Variants in DYRK1B observed in about 807,000 individuals in gnomAD.
DYRK1B encodes dual specificity tyrosine phosphorylation regulated kinase 1B.
Under a neutral mutation model 57.1 loss-of-function variants are expected in DYRK1B, and 20 were observed. That is an observed-to-expected ratio of 0.35 (90% CI 0.25 to 0.51). The LOEUF (loss-of-function observed/expected upper bound fraction) is 0.51. Ranked by LOEUF, DYRK1B falls within the 20% of genes least tolerant of loss-of-function variation. The pLI is 0.96. For missense variants in DYRK1B, 732 were observed against 886.3 expected (o/e 0.83, Z 2.21); for synonymous variants, 409 against 384.7 (o/e 1.06, Z -0.74).
rs1968552018 is a variant in DYRK1B, at chr19:39,826,643, G to T, written c.1411+29C>A. ...CAAACCTGAGCAGCCCCCACCCGTT[G>T]TACCCCATTTGGGCACCTGGGCACC... is the stretch of plus-strand genomic sequence containing the variant. On this transcript the variant is annotated intron_variant, in intron 9 of 10. Transcript: ENST00000323039. The surrounding 1 kb of genome is among the most constrained non-coding windows in gnomAD (Gnocchi z 6.3). 1.3e-6 allele frequency: 2 copies of T among 1,562,424 alleles called. No homozygotes were observed. The highest frequency in any genetic ancestry group is 1.2e-5 in the South Asian group (1 of 83,604).
In DYRK1B at chr19:39,828,224, G is replaced by A. The variant is rs1968629787; in HGVS notation, c.807+73C>T. Reference sequence around the variant, plus strand: ...AATAATCCCATCCCAGCCAAGCCCCGCCCCTAAGCCTCCCGTTGGCTCTGC... The same window carrying A: ...AATAATCCCATCCCAGCCAAGCCCCACCCCTAAGCCTCCCGTTGGCTCTGC... On this transcript the variant is annotated intron_variant, in intron 6 of 10. Transcript: ENST00000323039. This position sits in a 1 kb window ranked among gnomAD's most constrained non-coding sequence, Gnocchi z 4.3. The A allele has an allele frequency of 1.5e-5, 22 of 1,481,602 alleles. No individual in the cohort carries two copies. The highest frequency in any genetic ancestry group is 2.8e-5 in the African/African-American group (2 of 72,036). The allele number at this position is 1,481,602 out of a possible 1,614,324, so 91.8% of individuals were successfully genotyped here.
At chr19:39,827,149 G>A (rs540114568) in intron 8 of DYRK1B, 136 bp downstream of exon 8, 15 of 1,254,414 alleles carry the variant, frequency 1.2e-5, no homozygotes, top group Non-Finnish European at 1.6e-5. Flanking sequence ...GGGGTGGGCA[G>A]GGGAGGAAGG....
In DYRK1B at chr19:39,830,050, G is replaced by A. The variant is rs199504190; in HGVS notation, c.373-23C>T. Reference sequence around the variant, plus strand: ...CACCTGTTGGGGCAGGGCATGTCACGAAGAAAGGGGTGGGAGCAGGGCAGA... The same window carrying A: ...CACCTGTTGGGGCAGGGCATGTCACAAAGAAAGGGGTGGGAGCAGGGCAGA... On this transcript the variant is annotated intron_variant, in intron 4 of 10. Coordinates refer to ENST00000323039, the MANE Select transcript of DYRK1B (RefSeq NM_004714.3). 5.3e-5 allele frequency: 85 copies of A among 1,612,654 alleles called. No individual in the cohort carries two copies. In the East Asian group the frequency reaches 1.5e-3, roughly 28 times the overall value.
At chr19:39,827,764 G>C (rs1171300174) in intron 6 of DYRK1B, 108 bp from the exon 7 acceptor site, 2 of 1,372,382 alleles carry the variant, frequency 1.5e-6, no homozygotes, top group Non-Finnish European at 2.0e-6. Context: ...TGACAAAATG[G>C]GGACTGAGGC....
chr19:39,826,064 C>T lies in DYRK1B; in HGVS notation c.1541G>A (p.Arg514Gln), dbSNP rs1333583026. 12 of 1,520,316 alleles carry T rather than the reference C, an allele frequency of 7.9e-6. No individual in the cohort carries two copies. Among genetic ancestry groups the T allele is most frequent in the African/African-American group, 4.2e-5 (3 of 71,668 alleles). 94.2% of individuals were successfully genotyped at this position (1,520,316 alleles called of 1,614,324 possible). The change falls in exon 11 of 11, where the codon CGG (arginine) becomes CAG (glutamine). Residue 514 changes from arginine to glutamine, a missense_variant. By Grantham distance (43) the Arg-to-Gln change is conservative (BLOSUM62 1). Coordinates refer to ENST00000323039, the MANE Select transcript of DYRK1B (RefSeq NM_004714.3). The surrounding 1 kb of genome is among the most constrained non-coding windows in gnomAD (Gnocchi z 6.3). Reference protein sequence around the residue: ...SPQVPPSQPLRPWAGGDVPHK... With the variant: ...SPQVPPSQPLQPWAGGDVPHK... Reference sequence around the variant, plus strand: ...GGGCACATCACCCCCTGCCCAGGGCCGCAGCGGCTGGGAGGGTGGGACCTA... The same window carrying T: ...GGGCACATCACCCCCTGCCCAGGGCTGCAGCGGCTGGGAGGGTGGGACCTA...
chr19:39,831,053 C>A (rs1235420821), intron 2 of DYRK1B, among the ~76,000 whole-genome samples: 1 of 152,214 alleles, frequency 6.6e-6, no homozygotes, highest in Non-Finnish European at 1.5e-5. Context: ...CTCACCTTTA[C>A]TCCTTTCTGA....
intron 1 of DYRK1B, among the ~76,000 whole-genome samples, chr19:39,833,793 T>G (rs1367528335): frequency 1.3e-5 from 2 of 151,324 alleles, no homozygotes. Flanking sequence ...AGGGCGGGAG[T>G]GGGGCCCGGC....
At position 39,828,150 on chromosome 19, in the gene DYRK1B, A is replaced by T; in HGVS notation, c.807+147T>A. On this transcript the variant is annotated intron_variant, in intron 6 of 10. Coordinates refer to ENST00000323039, the MANE Select transcript of DYRK1B (RefSeq NM_004714.3). The surrounding 1 kb of genome is among the most constrained non-coding windows in gnomAD (Gnocchi z 4.3). Reference sequence around the variant, plus strand: ...CACCCTTCCCATCCTAGTGGGCAGTATATTCACACCCCCACCCCAAGCATT... The same window carrying T: ...CACCCTTCCCATCCTAGTGGGCAGTTTATTCACACCCCCACCCCAAGCATT... 1.1e-6 allele frequency: 1 copy of T among 903,880 alleles called. No individual in the cohort carries two copies. The highest frequency in any genetic ancestry group is 1.6e-6 in the Non-Finnish European group (1 of 609,888). The allele number at this position is 903,880 out of a possible 1,614,324, so 56.0% of individuals were successfully genotyped here.
rs1458151604 is a variant in DYRK1B, at chr19:39,828,278, G to A, written c.807+19C>T. Reference sequence around the variant, plus strand: ...ACCCAAACTACTAGCCGTGCTCCCAGGACCGGGCCGCCCCCTACCCTCTGG... The same window carrying A: ...ACCCAAACTACTAGCCGTGCTCCCAAGACCGGGCCGCCCCCTACCCTCTGG... On this transcript the variant is annotated intron_variant, in intron 6 of 10. Coordinates refer to ENST00000323039, the MANE Select transcript of DYRK1B (RefSeq NM_004714.3). The surrounding 1 kb of genome is among the most constrained non-coding windows in gnomAD (Gnocchi z 4.3). 3 of 1,612,350 alleles carry A rather than the reference G, an allele frequency of 1.9e-6. No individual in the cohort carries two copies. The highest frequency in any genetic ancestry group is 3.3e-5 in the Admixed American group (2 of 59,988).
chr19:39,830,263 CTAAG>C, intron 4 of DYRK1B, 108 bp downstream of exon 4: 1 of 1,396,342 alleles, frequency 7.2e-7, no homozygotes, highest in South Asian at 1.3e-5. Context: ...CACAGGGAAA[CTAAG>C]TGGGCTAGGG....
chr19:39,828,359 T>C lies in DYRK1B; in HGVS notation c.745A>G (p.Asn249Asp). Residue 249 changes from asparagine (N) to aspartate (D), a missense_variant, in exon 6 of 11, where the codon AAC becomes GAC. Physicochemically the swap from Asn to Asp is conservative, Grantham distance 23. Coordinates refer to ENST00000323039, the MANE Select transcript of DYRK1B (RefSeq NM_004714.3). This position sits in a 1 kb window ranked among gnomAD's most constrained non-coding sequence, Gnocchi z 4.3. ...DLKPENILLC[N>D]PKRSAIKIVD... ...ATCTTGATGGCGCTGCGCTTGGGGT[T>C]GCACAGCAAGATGTTTTCGGGCTTG... 3 of 1,614,196 alleles carry C rather than the reference T, an allele frequency of 1.9e-6. No individual in the cohort carries two copies. The highest frequency in any genetic ancestry group is 2.5e-6 in the Non-Finnish European group (3 of 1,180,040).
intron 1 of DYRK1B, chr19:39,833,065 G>A (rs1457497940): frequency 3.0e-6 from 3 of 985,212 alleles, no homozygotes; most frequent in Non-Finnish European, 3.6e-6. Flanking sequence ...TTATCACATA[G>A]GGTTCTCTCC....
At chr19:39,831,228 AC>A (rs1292566100) in intron 2 of DYRK1B, among the ~76,000 whole-genome samples, 1 of 151,964 alleles carries the variant, frequency 6.6e-6, no homozygotes, top group Admixed American at 6.6e-5. Context: ...CAGTTCTTTC[AC>A]CCCAAGGCTC....
chr19:39,827,606 C>G lies in DYRK1B; in HGVS notation c.858G>C (p.Leu286=). Residue 286 remains leucine (L), a synonymous_variant, in exon 7 of 11, where the codon CTG becomes CTC. Transcript: ENST00000323039. ...CAATGGCCAGGTCGTAGGGTGTGCC[C>G]AGGAGCACCTCAGGTGAGCGGTAGA... ...SRFYRSPEVL[L]GTPYDLAIDM... is the part of the protein sequence containing the mutation. 1.2e-6 allele frequency: 2 copies of G among 1,614,110 alleles called. No homozygotes were observed. Among genetic ancestry groups the G allele is most frequent in the Non-Finnish European group, 1.7e-6 (2 of 1,179,976 alleles).
In DYRK1B at chr19:39,827,442, G is replaced by T. The variant is rs768139049; in HGVS notation, c.955-17C>A. 2.5e-6 allele frequency: 4 copies of T among 1,610,516 alleles called. No individual in the cohort carries two copies. In the African/African-American group the frequency reaches 4.0e-5, roughly 16 times the overall value. On this transcript the variant is annotated splice_polypyrimidine_tract_variant and intron_variant, in intron 7 of 10. Coordinates refer to ENST00000323039, the MANE Select transcript of DYRK1B (RefSeq NM_004714.3). ...CTGGTCGACCTGTGAGCAGGCAGGGGTCAAGGTCATCAGGCCAGCCAGGCT... is the reference window on the plus strand; with the variant it reads ...CTGGTCGACCTGTGAGCAGGCAGGGTTCAAGGTCATCAGGCCAGCCAGGCT...
rs1188701433 is a variant in DYRK1B, at chr19:39,825,889, AG to A, written c.1715del (p.Pro572LeufsTer25). 1 of 1,581,286 alleles carries A rather than the reference AG, an allele frequency of 6.3e-7. No homozygotes were observed. The highest frequency in any genetic ancestry group is 1.8e-5 in the Admixed American group (1 of 56,604). ...ELMDVSLVGG[P>X]ADCSPPHPAP... is the part of the protein sequence containing the mutation. ...CTGGGTGAGGTGGGGAGCAGTCAGC[AG>A]GGCCGCCCACCAGGCTCACATCCAT... On this transcript the variant is annotated frameshift_variant, in exon 11 of 11. Coordinates refer to ENST00000323039, the MANE Select transcript of DYRK1B (RefSeq NM_004714.3). LOFTEE classifies it high-confidence loss of function.
chr19:39,826,785 C>A lies in DYRK1B; in HGVS notation c.1298G>T (p.Arg433Leu), dbSNP rs757189339. The A allele has an allele frequency of 1.3e-6, 2 of 1,554,374 alleles. No homozygotes were observed. Among genetic ancestry groups the A allele is most frequent in the East Asian group, 4.7e-5 (2 of 42,584 alleles). ...LGALQHGFFR[R>L]TADEATNTGP... is the part of the protein sequence containing the mutation. ...CGTGTTGGTGGCCTCGTCGGCCGTG[C>A]GGCGGAAGAAGCCGTGCTGCAGAGC... Residue 433 changes from arginine (R) to leucine (L), a missense_variant, in exon 9 of 11, where the codon CGC (arginine) becomes CTC (leucine). Coordinates refer to ENST00000323039, the MANE Select transcript of DYRK1B (RefSeq NM_004714.3). This position sits in a 1 kb window ranked among gnomAD's most constrained non-coding sequence, Gnocchi z 6.3.
Position 39,825,977 on chromosome 19 carries a change from G to A in DYRK1B, c.1628C>T (p.Pro543Leu). The change falls in exon 11 of 11, where the codon CCC becomes CTC. Residue 543 changes from proline to leucine, a missense_variant. Transcript: ENST00000323039. ...SSLPGTGAQL[P>L]PQPRYLGRPP... ...ACGACCAAGGTATCGGGGCTGGGGG[G>A]GTAACTGGGCCCCGGTCCCAGGCAG... 6.6e-7 allele frequency: 1 copy of A among 1,524,574 alleles called. No individual in the cohort carries two copies. The highest frequency in any genetic ancestry group is 2.3e-5 in the East Asian group (1 of 44,102). 94.4% of individuals were successfully genotyped at this position (1,524,574 alleles called of 1,614,324 possible).
At position 39,828,463 on chromosome 19, in the gene DYRK1B, G is replaced by A; in HGVS notation, c.641C>T (p.Thr214Ile). The change falls in exon 6 of 11, where the codon ACC (threonine) becomes ATC (isoleucine). Residue 214 changes from threonine (T) to isoleucine (I), a missense_variant. By Grantham distance (89) the Thr-to-Ile change is moderately conservative. Around this residue, in one of 2 missense-constraint regions of DYRK1B, gnomAD observed 510 missense variants for 681.3 expected, o/e 0.75. Transcript: ENST00000323039. The surrounding 1 kb of genome is among the most constrained non-coding windows in gnomAD (Gnocchi z 4.3). ...GCAGAGCTGCTGCGCCAGCTTCCGG[G>A]TCAGGTTCAGCGAGACGCCGCGGAA... Reference protein sequence around the residue: ...THFRGVSLNLTRKLAQQLCTA... With the variant: ...THFRGVSLNLIRKLAQQLCTA... The A allele has an allele frequency of 6.2e-7, 1 of 1,613,894 alleles. No individual in the cohort carries two copies. Among genetic ancestry groups the A allele is most frequent in the Non-Finnish European group, 8.5e-7 (1 of 1,179,904 alleles).
Sources: gnomAD v4.1 joint callset for allele counts (sites outside exome capture counted in the v4.1 genomes callset) on GRCh38, gnomAD v4.1.1 for gene constraint, gnomAD v4.1.1 regional missense constraint, Gnocchi (gnomAD v3.1) non-coding constraint, MANE v1.5 for transcripts, NCBI Gene and HGNC (gene_info 2026-07-23, HGNC 2026-07-21) for gene names.